The following RFX3 variants were observed in gnomAD, a reference collection of about 807,000 sequenced individuals.
RFX3 encodes transcription factor RFX3.
Under a neutral mutation model 98.6 loss-of-function variants are expected in RFX3, and 14 were observed. The ratio of observed to expected loss-of-function variants is 0.14; its 90% CI spans 0.09 to 0.22. RFX3 has a LOEUF of 0.22. RFX3 is among the 10% of genes least tolerant of loss of function. The probability of loss-of-function intolerance (pLI) is 1.00; values close to 1 mark genes in which losing one functional copy is unlikely to be tolerated. For synonymous variants in RFX3, 383 were observed against 328.4 expected (o/e 1.17, Z -1.80); for missense variants, 639 against 926.9 (o/e 0.69, Z 4.03).
At chr9:3,390,319 G>A (rs1444009048) in intron 2 of RFX3, among the ~76,000 whole-genome samples, 1 of 152,172 alleles carries the variant, frequency 6.6e-6, no homozygotes, top group Non-Finnish European at 1.5e-5. Flanking sequence ...CAAAAATGTA[G>A]AAGTGAACTG....
intron 1 of RFX3, among the ~76,000 whole-genome samples, chr9:3,467,398 G>A (rs1324698029): frequency 6.7e-6 from 1 of 150,348 alleles, no homozygotes. Flanking sequence ...AGGGTTTTTT[G>A]TCAGTCATAA....
chr9:3,275,267 T>C (rs1158137299), intron 9 of RFX3, among the ~76,000 whole-genome samples: 2 of 152,108 alleles, frequency 1.3e-5, no homozygotes, highest in Non-Finnish European at 2.9e-5. Context: ...AGGATTCATA[T>C]TAGGATAGGC....
chr9:3,266,305 C>T lies in RFX3; in HGVS notation c.1358G>A (p.Ser453Asn). The change falls in exon 12 of 17, where the codon AGT becomes AAT. Residue 453 changes from serine to asparagine, a missense_variant and splice_region_variant. This residue lies in a region of RFX3 where 138 missense variants were observed against 308.9 expected (regional missense o/e 0.45). Transcript: ENST00000617270. ...ATTTCGAATGGCTTGGGTCAAGGCA[C>T]CTAAACATTAAAGAATAAAAGCAGG... is the stretch of plus-strand genomic sequence containing the variant. ...LIPDVLRPIP[S>N]ALTQAIRNFA... The T allele has an allele frequency of 1.3e-6, 2 of 1,593,200 alleles. No homozygotes were observed. The highest frequency in any genetic ancestry group is 1.7e-6 in the Non-Finnish European group (2 of 1,164,106).
rs780013042 is a variant in RFX3, at chr9:3,228,882, T to C, written c.1976A>G (p.Asp659Gly). 1.9e-6 allele frequency: 3 copies of C among 1,611,198 alleles called. No individual in the cohort carries two copies. Among genetic ancestry groups the C allele is most frequent in the Non-Finnish European group, 2.5e-6 (3 of 1,178,918 alleles). The change falls in exon 16 of 17, where the codon GAT becomes GGT. Residue 659 changes from aspartate (D) to glycine (G), a missense_variant. Coordinates refer to ENST00000617270, the MANE Select transcript of RFX3 (RefSeq NM_001282116.2). Reference sequence around the variant, plus strand: ...ATTTCCAGGAGACACGGCATTTAAATCACCAAACTGCAAAACAATAGTCAT... The same window carrying C: ...ATTTCCAGGAGACACGGCATTTAAACCACCAAACTGCAAAACAATAGTCAT... ...TPIAVMGEFG[D>G]LNAVSPGNLD... is the part of the protein sequence containing the mutation.
In RFX3 at chr9:3,336,656, T is replaced by A. The variant is rs546723401; in HGVS notation, c.216-6139A>T. Reference sequence around the variant, plus strand: ...TTAGAAGTCTGAAGTATTTTAGATATAACAAATGAGAAAGCTGTTAGAAAG... The same window carrying A: ...TTAGAAGTCTGAAGTATTTTAGATAAAACAAATGAGAAAGCTGTTAGAAAG... On this transcript the variant is annotated intron_variant, in intron 3 of 16. Transcript: ENST00000617270. Among the ~76,000 whole-genome samples the A allele has an allele frequency of 6.1e-4, 93 of 152,236 alleles. No homozygotes were observed. The South Asian group carries it at 0.018, about 30-fold the overall frequency.
At chr9:3,267,828 T>C (rs1393347554) in intron 11 of RFX3, among the ~76,000 whole-genome samples, 1 of 151,922 alleles carries the variant, frequency 6.6e-6, no homozygotes, top group Admixed American at 6.6e-5. Context: ...TAATAATCCC[T>C]TTTGAAACAG....
intron 4 of RFX3, among the ~76,000 whole-genome samples, chr9:3,309,262 C>T (rs896793522): frequency 1.3e-5 from 2 of 152,112 alleles, no homozygotes; most frequent in East Asian, 1.9e-4. Context: ...GTATTTCACA[C>T]CAGGGAGAAA....
rs183868489 is a variant in RFX3, at chr9:3,235,009, G to A, written c.1969-6120C>T. ...AGAAAAATCATCTTCCTCCACTTTC[G>A]CTGGGTACTTGCATATACAGGCAAA... On this transcript the variant is annotated intron_variant, in intron 15 of 16. Coordinates refer to ENST00000617270, the MANE Select transcript of RFX3 (RefSeq NM_001282116.2). Among the ~76,000 whole-genome samples, 4 of 152,312 alleles carry A rather than the reference G, an allele frequency of 2.6e-5. No homozygotes were observed. The East Asian group carries it at 7.7e-4, about 29-fold the overall frequency.
chr9:3,444,209 G>C (rs1845840534), intron 1 of RFX3, among the ~76,000 whole-genome samples: 1 of 152,098 alleles, frequency 6.6e-6, no homozygotes, highest in Admixed American at 6.6e-5. Flanking sequence ...GTATATCCAT[G>C]TGATGAAATA....
intron 1 of RFX3, chr9:3,400,283 G>C (rs79862276): frequency 1.3e-6 from 1 of 769,962 alleles, no homozygotes; most frequent in East Asian, 1.3e-4. Flanking sequence ...CTTAATAGGA[G>C]GAATCTTATA....
chr9:3,432,772 G>C (rs1306528187), intron 1 of RFX3, among the ~76,000 whole-genome samples: 1 of 152,124 alleles, frequency 6.6e-6, no homozygotes, highest in East Asian at 1.9e-4. Context: ...AGACAATATG[G>C]CAGAAGGGTT....
intron 7 of RFX3, among the ~76,000 whole-genome samples, chr9:3,284,011 G>C (rs1340400974): frequency 6.6e-6 from 1 of 151,602 alleles, no homozygotes; most frequent in Non-Finnish European, 1.5e-5. Context: ...AGTTGGACTA[G>C]GTGATTTCTT....
intron 1 of RFX3, among the ~76,000 whole-genome samples, chr9:3,446,391 T>C (rs1379728683): frequency 6.6e-6 from 1 of 152,072 alleles, no homozygotes; most frequent in East Asian, 1.9e-4. Context: ...GTAAAGGTAA[T>C]ATATAATTTG....
At chr9:3,326,960 C>CTATT (rs2130831548) in intron 4 of RFX3, among the ~76,000 whole-genome samples, 1 of 152,236 alleles carries the variant, frequency 6.6e-6, no homozygotes, top group Admixed American at 6.5e-5. Flanking sequence ...GTATATGCTA[C>CTATT]TATTGCACAG....
At chr9:3,488,913 T>C (rs982405948) in intron 1 of RFX3, 7 of 984,074 alleles carry the variant, frequency 7.1e-6, no homozygotes, top group Non-Finnish European at 8.4e-6. Flanking sequence ...AAAGACCATA[T>C]ATCAAATTGA....
intron 3 of RFX3, among the ~76,000 whole-genome samples, chr9:3,331,771 C>T (rs1832631603): frequency 6.6e-6 from 1 of 152,130 alleles, no homozygotes; most frequent in Non-Finnish European, 1.5e-5. Context: ...ACCTTTACCA[C>T]ATAAAGTACT....
At chr9:3,267,726 G>T (rs559962404) in intron 11 of RFX3, among the ~76,000 whole-genome samples, 4 of 151,508 alleles carry the variant, frequency 2.6e-5, no homozygotes, top group African/African-American at 9.7e-5. Context: ...GTCAAAAAAA[G>T]AAAAAGGAAA....
chr9:3,359,230 A>T (rs1836134758), intron 2 of RFX3, among the ~76,000 whole-genome samples: 2 of 152,088 alleles, frequency 1.3e-5, no homozygotes, highest in South Asian at 4.1e-4. Flanking sequence ...TGAAAAGAGG[A>T]ACCAAAAAAG....
chr9:3,227,754 T>C (rs1817950327), intron 16 of RFX3, among the ~76,000 whole-genome samples: 1 of 152,218 alleles, frequency 6.6e-6, no homozygotes, highest in East Asian at 1.9e-4. Context: ...ATTAATATCA[T>C]CATTGACTTA....
Sources: allele counts gnomAD v4.1 joint callset (sites outside exome capture counted in the v4.1 genomes callset), GRCh38; gene constraint gnomAD v4.1.1; regional missense constraint gnomAD v4.1.1; transcripts MANE v1.5; gene names NCBI Gene and HGNC (gene_info 2026-07-23, HGNC 2026-07-21).